The following ITGA11 variants were observed in gnomAD, a reference collection of about 807,000 sequenced individuals.
The protein encoded by ITGA11 is integrin subunit alpha 11.
Under a neutral mutation model 141.9 loss-of-function variants are expected in ITGA11, and 97 were observed. That is an observed-to-expected ratio of 0.68 (90% CI 0.58 to 0.81). ITGA11 has a LOEUF of 0.81. Ranked by LOEUF, ITGA11 falls within the 30% of genes least tolerant of loss-of-function variation. The pLI is 0.00. For synonymous variants in ITGA11, 658 were observed against 624.6 expected, an observed-to-expected ratio of 1.05 and a Z score of -0.80; for missense variants, 1,387 against 1,559.2, an observed-to-expected ratio of 0.89 and a Z score of 1.86.
Position 68,308,144 on chromosome 15 carries a change from T to C in ITGA11, c.3175-448A>G, listed in dbSNP as rs1484481650. Among the ~76,000 whole-genome samples, 1 of 152,212 alleles carries C rather than the reference T, an allele frequency of 6.6e-6. No individual in the cohort carries two copies. The highest frequency in any genetic ancestry group is 2.4e-5 in the African/African-American group (1 of 41,458). On this transcript the variant is annotated intron_variant, in intron 26 of 29. Coordinates refer to ENST00000315757, the MANE Select transcript of ITGA11 (RefSeq NM_001004439.2). This position sits in a 1 kb window ranked among gnomAD's most constrained non-coding sequence, Gnocchi z 5.2. The stretch of plus-strand genomic sequence containing the variant: ...GTCTTCATAAAGTTCATGGAAAATG[T>C]GTATTATGGAAAAATTATGCATGGA...
chr15:68,425,693 C>CTA lies in ITGA11; in HGVS notation c.52+6320_52+6321dup, dbSNP rs761342961. ...AGTGCTCTTTGCAGACTATCTAGAG[C>CTA]TACGCCCACTTGCCCATTTCACAAT... On this transcript the variant is annotated intron_variant, in intron 1 of 29. Transcript: ENST00000315757. Among the ~76,000 whole-genome samples, 4 of 152,352 alleles carry CTA rather than the reference C, an allele frequency of 2.6e-5. No individual in the cohort carries two copies. The East Asian group carries it at 7.7e-4, about 29-fold the overall frequency.
At chr15:68,357,527 T>C (rs1411269108) in intron 6 of ITGA11, among the ~76,000 whole-genome samples, 2 of 152,154 alleles carry the variant, frequency 1.3e-5, no homozygotes, top group African/African-American at 2.4e-5. Context: ...ATATAGAGAA[T>C]GGAGACTTCG....
chr15:68,370,620 G>A (rs879422834), intron 2 of ITGA11, among the ~76,000 whole-genome samples: 27 of 152,216 alleles, frequency 1.8e-4, no homozygotes, highest in Non-Finnish European at 1.9e-4. Context: ...GGCTAAGAAC[G>A]GTAACCCTTC....
chr15:68,388,984 T>G (rs1896053296), intron 2 of ITGA11, among the ~76,000 whole-genome samples: 1 of 152,210 alleles, frequency 6.6e-6, no homozygotes, highest in Non-Finnish European at 1.5e-5. Flanking sequence ...CCACATGGGA[T>G]GGCGTCCTTT....
At chr15:68,396,775 A>G (rs570044958) in intron 2 of ITGA11, among the ~76,000 whole-genome samples, 13 of 148,340 alleles carry the variant, frequency 8.8e-5, no homozygotes, top group African/African-American at 2.7e-4. Context: ...ATGTACTAGT[A>G]AAAAAGATTG....
In ITGA11 at chr15:68,303,957, G is replaced by T. The variant is rs1489822064; in HGVS notation, c.3382-72C>A. ...TGGGGTGGCAGTCTGGGAGGGGCAG[G>T]AGGGTGGAGACAGCTGGCACCTGGT... On this transcript the variant is annotated intron_variant, in intron 28 of 29. Transcript: ENST00000315757. The surrounding 1 kb of genome is among the most constrained non-coding windows in gnomAD (Gnocchi z 5.3). 2.1e-6 allele frequency: 2 copies of T among 941,218 alleles called. No homozygotes were observed. The highest frequency in any genetic ancestry group is 3.4e-6 in the Non-Finnish European group (2 of 586,754). 58.3% of individuals were successfully genotyped at this position (941,218 alleles called of 1,614,324 possible).
intron 13 of ITGA11, 81 bp from the exon 14 acceptor site, chr15:68,332,143 C>A: frequency 7.6e-7 from 1 of 1,320,190 alleles, no homozygotes; most frequent in South Asian, 1.3e-5. Flanking sequence ...CAGGCTGCTC[C>A]GGCATCCTCT....
At chr15:68,337,205 A>T (rs4776395) in intron 11 of ITGA11, among the ~76,000 whole-genome samples, 22,430 of 152,132 alleles carry the variant, frequency 0.15, 3,331 homozygotes, top group African/African-American at 0.38. Context: ...CTGGGCAGGC[A>T]TGGGTCAGCA....
Position 68,320,250 on chromosome 15 carries a change from C to A in ITGA11, c.2551G>T (p.Ala851Ser), listed in dbSNP as rs775278672. 1 of 1,614,044 alleles carries A rather than the reference C, an allele frequency of 6.2e-7. No homozygotes were observed. Among genetic ancestry groups the A allele is most frequent in the South Asian group, 1.1e-5 (1 of 91,086 alleles). Residue 851 changes from alanine to serine, a missense_variant, in exon 20 of 30, where the codon GCC becomes TCC. Physicochemically the swap from Ala to Ser is moderately conservative, Grantham distance 99. Transcript: ENST00000315757. ...EATLENRGEN[A>S]YSTVLNISQS... is the part of the protein sequence containing the mutation. ...GAGATATTTAGGACCGTGCTGTAGGCGTTCTCGCCCCTGTTCTCCAGTGTG... is the reference window on the plus strand; with the variant it reads ...GAGATATTTAGGACCGTGCTGTAGGAGTTCTCGCCCCTGTTCTCCAGTGTG...
At chr15:68,357,938 C>G (rs1439736915) in intron 6 of ITGA11, among the ~76,000 whole-genome samples, 2 of 152,168 alleles carry the variant, frequency 1.3e-5, no homozygotes, top group Non-Finnish European at 2.9e-5. Context: ...TTTAACAGCC[C>G]TAATCGTTAC....
rs751384063 is a variant in ITGA11, at chr15:68,351,309, C to T, written c.843G>A (p.Glu281=). The change falls in exon 8 of 30, where the codon GAG becomes GAA. Residue 281 remains glutamate (E), a synonymous_variant. Coordinates refer to ENST00000315757, the MANE Select transcript of ITGA11 (RefSeq NM_001004439.2). ...DGESHDSPDL[E]KVIQQSERDN... The stretch of plus-strand genomic sequence containing the variant: ...CTCTTTCGCTTTGCTGGATCACCTT[C>T]TCCAGGTCTGGGCTGTCGTGGGACT... 17 of 1,613,926 alleles carry T rather than the reference C, an allele frequency of 1.1e-5. No homozygotes were observed. Among genetic ancestry groups the T allele is most frequent in the East Asian group, 2.2e-5 (1 of 44,896 alleles).
Position 68,432,144 on chromosome 15 carries a change from C to G in ITGA11, c.-78G>C. The G allele has an allele frequency of 8.8e-7, 1 of 1,139,034 alleles. No homozygotes were observed. Among genetic ancestry groups the G allele is most frequent in the Non-Finnish European group, 1.1e-6 (1 of 878,662 alleles). The allele number at this position is 1,139,034 out of a possible 1,614,324, so 70.6% of individuals were successfully genotyped here. A position where few individuals can be genotyped will look rare whatever the true frequency, so the allele number is the denominator to read the frequency against. On this transcript the variant is annotated 5_prime_UTR_variant, in exon 1 of 30. Transcript: ENST00000315757. ...AGCCAGAGCGGCAGCCTCCTCGGCG[C>G]GGCGCCTGCAGCCTGCACTGCGCGG... is the stretch of plus-strand genomic sequence containing the variant.
chr15:68,316,981 C>T (rs1398493031), intron 21 of ITGA11, among the ~76,000 whole-genome samples: 1 of 152,212 alleles, frequency 6.6e-6, no homozygotes, highest in East Asian at 1.9e-4. Context: ...ACTTGTGAGG[C>T]TGCAGAACAG....
At chr15:68,330,862 G>A in intron 15 of ITGA11, 119 bp downstream of exon 15, 1 of 1,099,376 alleles carries the variant, frequency 9.1e-7, no homozygotes, top group Non-Finnish European at 1.3e-6. Flanking sequence ...GAACAGGGTG[G>A]GTCTAGCTGA....
rs376254147 is a variant in ITGA11 at position 68,303,745 on chromosome 15, C to T, written c.3495+27G>A. 9.9e-6 allele frequency: 15 copies of T among 1,517,618 alleles called. No individual in the cohort carries two copies. The African/African-American group carries it at 1.8e-4, about 18-fold the overall frequency. 94.0% of individuals were successfully genotyped at this position (1,517,618 alleles called of 1,614,324 possible). On this transcript the variant is annotated intron_variant, in intron 29 of 29. Coordinates refer to ENST00000315757, the MANE Select transcript of ITGA11 (RefSeq NM_001004439.2). This position sits in a 1 kb window ranked among gnomAD's most constrained non-coding sequence, Gnocchi z 5.3. ...TGGGCCCACCAGCCAGGATGCTGCT[C>T]CTTCCCTCCCCTGCCAGGGCCCTCA...
In ITGA11 at chr15:68,350,723, T is replaced by C. The variant is rs1306541458; in HGVS notation, c.954A>G (p.Lys318=). ...INPETFLNEI[K]YIASDPDDKH... ...TGTCATCAGGGTCACTGGCGATGTA[T>C]TTGATTTCATTTAGAAAAGTTTCTG... is the stretch of plus-strand genomic sequence containing the variant. The change falls in exon 9 of 30, where the codon AAA becomes AAG. Residue 318 remains lysine (K), a synonymous_variant. Coordinates refer to ENST00000315757, the MANE Select transcript of ITGA11 (RefSeq NM_001004439.2). The C allele has an allele frequency of 6.2e-7, 1 of 1,613,916 alleles. No homozygotes were observed. The highest frequency in any genetic ancestry group is 2.2e-5 in the East Asian group (1 of 44,866).
intron 2 of ITGA11, among the ~76,000 whole-genome samples, chr15:68,374,479 G>C (rs2140367684): frequency 6.6e-6 from 1 of 152,308 alleles, no homozygotes; most frequent in African/African-American, 2.4e-5. Context: ...CCTCAGACAG[G>C]CAGTGGCAGA....
rs907102741 is a variant in ITGA11, at chr15:68,323,558, G to A, written c.2322+1573C>T. On this transcript the variant is annotated intron_variant, in intron 18 of 29. Coordinates refer to ENST00000315757, the MANE Select transcript of ITGA11 (RefSeq NM_001004439.2). ...CTTTGTAGAATGATGGGAAGAATGT[G>A]TCTCACTTGCTGGGGGCTAGAAATC... 2.0e-5 allele frequency among the ~76,000 whole-genome samples: 3 copies of A among 152,178 alleles called. No homozygotes were observed. The South Asian group carries it at 6.2e-4, about 32-fold the overall frequency.
At chr15:68,319,717 C>T (rs1893726130) in intron 20 of ITGA11, among the ~76,000 whole-genome samples, 1 of 152,140 alleles carries the variant, frequency 6.6e-6, no homozygotes, top group South Asian at 2.1e-4. Flanking sequence ...GGTGTGTGTG[C>T]CCCTAACCAG....
Sources: allele counts gnomAD v4.1 joint callset (sites outside exome capture counted in the v4.1 genomes callset), GRCh38; gene constraint gnomAD v4.1.1; non-coding constraint Gnocchi (gnomAD v3.1); transcripts MANE v1.5; gene names NCBI Gene and HGNC (gene_info 2026-07-23, HGNC 2026-07-21).